The following ATOH8 variants were observed in gnomAD, a reference collection of about 807,000 sequenced individuals.
ATOH8 encodes the protein atonal bHLH transcription factor 8.
Under a neutral mutation model 21.2 loss-of-function variants are expected in ATOH8, and 9 were observed. The observed-to-expected ratio is 0.42, with a 90% CI of 0.26 to 0.74. ATOH8 has a LOEUF of 0.74. ATOH8 is among the 30% of genes least tolerant of loss of function. ATOH8 has a pLI of 0.24. For missense variants in ATOH8, 524 were observed against 470.9 expected, an observed-to-expected ratio of 1.11 and a Z score of -1.04; for synonymous variants, 253 against 224.0, an observed-to-expected ratio of 1.13 and a Z score of -1.16.
At chr2:85,780,634 A>C (rs1312313181) in intron 2 of ATOH8, 1 of 153,204 alleles carries the variant, frequency 6.5e-6, no homozygotes, top group Non-Finnish European at 1.5e-5. Context: ...TTAGACTGTA[A>C]GCTGCCGCAG....
rs1010820561 is a variant in ATOH8 at position 85,754,014 on chromosome 2, G to C, written c.-176G>C. 16 of 655,512 alleles carry C rather than the reference G, an allele frequency of 2.4e-5. No individual in the cohort carries two copies. The highest frequency in any genetic ancestry group is 3.8e-5 in the Non-Finnish European group (16 of 425,438). The allele number at this position is 655,512 out of a possible 1,614,324, so 40.6% of individuals were successfully genotyped here. On this transcript the variant is annotated 5_prime_UTR_variant, in exon 1 of 3. Coordinates refer to ENST00000306279, the MANE Select transcript of ATOH8 (RefSeq NM_032827.7). ...TCAGATGACACTCTGAGCGCTCCGGGAACGGACAGCCCGGCGGCTTCCCGA... is the reference window on the plus strand; with the variant it reads ...TCAGATGACACTCTGAGCGCTCCGGCAACGGACAGCCCGGCGGCTTCCCGA...
intron 2 of ATOH8, chr2:85,774,288 G>A: frequency 2.0e-6 from 2 of 985,598 alleles, no homozygotes; most frequent in Non-Finnish European, 2.4e-6. Context: ...AGGACAAGAG[G>A]AAGAGGAGGA....
intron 2 of ATOH8, chr2:85,781,035 G>C: frequency 1.0e-6 from 1 of 988,006 alleles, no homozygotes; most frequent in Non-Finnish European, 1.2e-6. Flanking sequence ...TGCAAAGTCT[G>C]TCCCTTGGAG....
In ATOH8 at chr2:85,766,113, G is replaced by C. The variant is rs187972156; in HGVS notation, c.960+1931G>C. 1.1e-3 allele frequency among the ~76,000 whole-genome samples: 160 copies of C among 152,142 alleles called. No homozygotes were observed. Among genetic ancestry groups the C allele is most frequent in the Admixed American group, 2.6e-3 (40 of 15,284 alleles). On this transcript the variant is annotated intron_variant, in intron 2 of 2. Coordinates refer to ENST00000306279, the MANE Select transcript of ATOH8 (RefSeq NM_032827.7). The surrounding 1 kb of genome is among the most constrained non-coding windows in gnomAD (Gnocchi z 4.0). ...GGGACGGTGGAAATACTCACTCATG[G>C]GCCACCGTGAAGATGAAAGGAGTTA... is the stretch of plus-strand genomic sequence containing the variant.
At chr2:85,774,506 G>A (rs574212404) in intron 2 of ATOH8, 2 of 985,448 alleles carry the variant, frequency 2.0e-6, no homozygotes, top group East Asian at 2.3e-4. Context: ...TCTAGAGGGT[G>A]AAGTCGGGAG....
chr2:85,786,733 G>A (rs1026365862), intron 2 of ATOH8, 152 bp from the exon 3 acceptor site: 9 of 930,666 alleles, frequency 9.7e-6, no homozygotes, highest in South Asian at 1.5e-5. Context: ...CAGCCAGGCC[G>A]GGGTTTGAAT....
chr2:85,754,647 G>A lies in ATOH8; in HGVS notation c.458G>A (p.Arg153His), dbSNP rs1374832182. 6.6e-7 allele frequency: 1 copy of A among 1,521,992 alleles called. No homozygotes were observed. The highest frequency in any genetic ancestry group is 8.8e-7 in the Non-Finnish European group (1 of 1,137,874). The allele number at this position is 1,521,992 out of a possible 1,614,324, so 94.3% of individuals were successfully genotyped here. ...TTCCGGGAGCCGGGTCTGCGTCCTCGCATCTTGCTGTGCGCACCGCCCGCG... is the reference window on the plus strand; with the variant it reads ...TTCCGGGAGCCGGGTCTGCGTCCTCACATCTTGCTGTGCGCACCGCCCGCG... ...QPFREPGLRPRILLCAPPARP... is the reference protein window; with the variant it reads ...QPFREPGLRPHILLCAPPARP... The change falls in exon 1 of 3, where the codon CGC (arginine) becomes CAC (histidine). Residue 153 changes from arginine (R) to histidine (H), a missense_variant. Transcript: ENST00000306279.
At chr2:85,782,480 G>A (rs1459926260) in intron 2 of ATOH8, among the ~76,000 whole-genome samples, 1 of 151,666 alleles carries the variant, frequency 6.6e-6, no homozygotes, top group Non-Finnish European at 1.5e-5. Context: ...AACTGGAAAC[G>A]AACAAAAGCA....
chr2:85,776,871 G>A (rs184144395), intron 2 of ATOH8, among the ~76,000 whole-genome samples: 142 of 152,172 alleles, frequency 9.3e-4, no homozygotes, highest in Non-Finnish European at 1.5e-3. Flanking sequence ...GCTGAGAGCT[G>A]TCCATCCCCC....
At chr2:85,763,336 G>A (rs932855517) in intron 1 of ATOH8, among the ~76,000 whole-genome samples, 6 of 152,282 alleles carry the variant, frequency 3.9e-5, no homozygotes, top group Non-Finnish European at 7.4e-5. Flanking sequence ...ATTGACAAAC[G>A]TGTCAAGTTT....
In ATOH8 at chr2:85,764,036, C is replaced by G. The variant is rs1268124108; in HGVS notation, c.814C>G (p.Leu272Val). ...GCAGAAGCTGTCCAAACTGGCCATC[C>G]TGAGGATCGCCTGTAACTACATCCT... ...YGQKLSKLAI[L>V]RIACNYILSL... is the part of the protein sequence containing the mutation. The change falls in exon 2 of 3, where the codon CTG (leucine) becomes GTG (valine). Residue 272 changes from leucine (L) to valine (V), a missense_variant. Coordinates refer to ENST00000306279, the MANE Select transcript of ATOH8 (RefSeq NM_032827.7). The G allele has an allele frequency of 6.2e-7, 1 of 1,614,060 alleles. No individual in the cohort carries two copies. Among genetic ancestry groups the G allele is most frequent in the African/African-American group, 1.3e-5 (1 of 74,922 alleles).
Position 85,754,222 on chromosome 2 carries a change from G to A in ATOH8, c.33G>A (p.Pro11=), listed in dbSNP as rs1172092397. 2 of 1,604,196 alleles carry A rather than the reference G, an allele frequency of 1.2e-6. No individual in the cohort carries two copies. The highest frequency in any genetic ancestry group is 1.1e-5 in the South Asian group (1 of 90,586). Residue 11 remains proline, a synonymous_variant, in exon 1 of 3, where the codon CCG becomes CCA. Transcript: ENST00000306279. The part of the protein sequence containing the change: MKHIPVLEDG[P]WKTVCVKELN... Reference sequence around the variant, plus strand: ...ACATCCCGGTCCTCGAGGACGGGCCGTGGAAGACCGTGTGCGTGAAGGAGC... The same window carrying A: ...ACATCCCGGTCCTCGAGGACGGGCCATGGAAGACCGTGTGCGTGAAGGAGC...
rs1680015523 is a variant in ATOH8, at chr2:85,766,364, C to A, written c.960+2182C>A. 6.6e-6 allele frequency among the ~76,000 whole-genome samples: 1 copy of A among 152,028 alleles called. No individual in the cohort carries two copies. Among genetic ancestry groups the A allele is most frequent in the African/African-American group, 2.4e-5 (1 of 41,372 alleles). On this transcript the variant is annotated intron_variant, in intron 2 of 2. Transcript: ENST00000306279. This position sits in a 1 kb window ranked among gnomAD's most constrained non-coding sequence, Gnocchi z 4.0. ...CCCACACCCAGCCCGGGCCTGAGGG[C>A]ACTTCCTGCCTCCTGCCCTCAGTCT...
In ATOH8 at chr2:85,754,305, G is replaced by T; in HGVS notation, c.116G>T (p.Gly39Val). The change falls in exon 1 of 3, where the codon GGC (glycine) becomes GTC (valine). Residue 39 changes from glycine to valine, a missense_variant. Transcript: ENST00000306279. ...AAGGAGCCGGCGCGGCGCGCGAACGGCTATAAAACTTTCCGACTGGACTTG... is the reference window on the plus strand; with the variant it reads ...AAGGAGCCGGCGCGGCGCGCGAACGTCTATAAAACTTTCCGACTGGACTTG... ...KGKEPARRAN[G>V]YKTFRLDLEA... is the part of the protein sequence containing the mutation. The T allele has an allele frequency of 6.2e-7, 1 of 1,609,554 alleles. No individual in the cohort carries two copies. The highest frequency in any genetic ancestry group is 8.5e-7 in the Non-Finnish European group (1 of 1,178,698).
At chr2:85,779,252 C>T (rs193240044) in intron 2 of ATOH8, among the ~76,000 whole-genome samples, 56 of 152,398 alleles carry the variant, frequency 3.7e-4, no homozygotes, top group African/African-American at 1.3e-3. Flanking sequence ...CCTGCAGCTT[C>T]GCCTGGGCCA....
intron 1 of ATOH8, 109 bp from the exon 2 acceptor site, chr2:85,763,882 C>T: frequency 1.1e-6 from 1 of 879,928 alleles, no homozygotes; most frequent in Non-Finnish European, 1.7e-6. Flanking sequence ...TAGAGCAGAT[C>T]ATAAGATTAG....
Position 85,754,455 on chromosome 2 carries a change from G to A in ATOH8, c.266G>A (p.Gly89Asp), listed in dbSNP as rs781504178. The change falls in exon 1 of 3, where the codon GGC becomes GAC. Residue 89 changes from glycine to aspartate, a missense_variant. Physicochemically the swap from Gly to Asp is moderately conservative, Grantham distance 94. Transcript: ENST00000306279. Reference protein sequence around the residue: ...PVAPAVPPRGGTDTAGERGGS... With the variant: ...PVAPAVPPRGDTDTAGERGGS... ...GCGCCGGCCGTTCCCCCAAGAGGGGGCACGGACACAGCCGGGGAGCGCGGG... is the reference window on the plus strand; with the variant it reads ...GCGCCGGCCGTTCCCCCAAGAGGGGACACGGACACAGCCGGGGAGCGCGGG... The A allele has an allele frequency of 4.0e-6, 6 of 1,503,244 alleles. No homozygotes were observed. Among genetic ancestry groups the A allele is most frequent in the Non-Finnish European group, 5.3e-6 (6 of 1,135,538 alleles). The allele number at this position is 1,503,244 out of a possible 1,614,324, so 93.1% of individuals were successfully genotyped here. A position where few individuals can be genotyped will look rare whatever the true frequency, so the allele number is the denominator to read the frequency against.
chr2:85,785,072 G>A lies in ATOH8; in HGVS notation c.961-1813G>A, dbSNP rs530140456. On this transcript the variant is annotated intron_variant, in intron 2 of 2. Transcript: ENST00000306279. The surrounding 1 kb of genome is among the most constrained non-coding windows in gnomAD (Gnocchi z 4.1). ...CAGCGGGGACTAAGAGCCAACAGAC[G>A]GCTTGGGGCTGGCCCCAGGCTGCCC... 2.0e-5 allele frequency among the ~76,000 whole-genome samples: 3 copies of A among 152,366 alleles called. No homozygotes were observed. The highest frequency in any genetic ancestry group is 2.1e-4 in the South Asian group (1 of 4,832).
intron 1 of ATOH8, among the ~76,000 whole-genome samples, chr2:85,761,113 G>C (rs1391328514): frequency 6.6e-6 from 1 of 152,174 alleles, no homozygotes; most frequent in East Asian, 1.9e-4. Context: ...AGGGGTCGGG[G>C]AGAAGGAGAG....
Sources: allele counts gnomAD v4.1 joint callset (sites outside exome capture counted in the v4.1 genomes callset), GRCh38; gene constraint gnomAD v4.1.1; non-coding constraint Gnocchi (gnomAD v3.1); transcripts MANE v1.5; gene names NCBI Gene and HGNC (gene_info 2026-07-23, HGNC 2026-07-21).